PEX7: variants seen among roughly 807,000 people sequenced by gnomAD.
PEX7 encodes peroxisomal biogenesis factor 7, also known as PTS2 receptor.
In PEX7, 34 loss-of-function variants were observed where a neutral mutation model predicts 47.5. The observed-to-expected ratio is 0.72, with a 90% CI of 0.54 to 0.95. The LOEUF (loss-of-function observed/expected upper bound fraction) is 0.95. Among genes scored for constraint, PEX7 ranks in the 40% least tolerant of loss-of-function variants. The pLI, the probability that PEX7 is intolerant of heterozygous loss-of-function variation, is 0.00. For synonymous variants in PEX7, 141 were observed against 148.8 expected (o/e 0.95, Z 0.38); for missense variants, 394 against 400.3 (o/e 0.98, Z 0.13).
chr6:136,905,228 G>A (rs1775826590), intron 9 of PEX7, among the ~76,000 whole-genome samples: 1 of 152,032 alleles, frequency 6.6e-6, no homozygotes, highest in Non-Finnish European at 1.5e-5. Flanking sequence ...CATTCTTCCA[G>A]TGGGTTTCTA....
intron 9 of PEX7, among the ~76,000 whole-genome samples, chr6:136,898,720 C>CTAT (rs1380074561): frequency 2.0e-5 from 3 of 152,136 alleles, no homozygotes; most frequent in Non-Finnish European, 1.5e-5. Context: ...AGAATGTCTG[C>CTAT]TATTTAAGTT....
chr6:136,892,222 A>G (rs1775567990), intron 8 of PEX7, among the ~76,000 whole-genome samples: 1 of 152,200 alleles, frequency 6.6e-6, no homozygotes, highest in Non-Finnish European at 1.5e-5. Context: ...TGGCTGACTA[A>G]TGGACTCTTG....
At chr6:136,840,609 G>A (rs1050150674) in intron 3 of PEX7, among the ~76,000 whole-genome samples, 17 of 152,344 alleles carry the variant, frequency 1.1e-4, no homozygotes, top group African/African-American at 3.6e-4. Context: ...GTGGATAATG[G>A]ATTGGAGGTA....
At chr6:136,853,676 G>A (rs1311657608) in intron 5 of PEX7, among the ~76,000 whole-genome samples, 1 of 152,060 alleles carries the variant, frequency 6.6e-6, no homozygotes, top group Non-Finnish European at 1.5e-5. Context: ...ATTATATACA[G>A]ACAAGTATAT....
chr6:136,889,889 G>A (rs908170434), intron 8 of PEX7, among the ~76,000 whole-genome samples: 4 of 152,218 alleles, frequency 2.6e-5, no homozygotes, highest in Non-Finnish European at 5.9e-5. Flanking sequence ...AGAATTAGTT[G>A]ACTCTAATGT....
At chr6:136,853,901 T>C (rs1003769731) in intron 5 of PEX7, among the ~76,000 whole-genome samples, 3 of 152,208 alleles carry the variant, frequency 2.0e-5, no homozygotes, top group Non-Finnish European at 4.4e-5. Flanking sequence ...GGTTATAAAC[T>C]ATTATTTTTT....
At chr6:136,867,120 T>G (rs1278921989) in intron 6 of PEX7, among the ~76,000 whole-genome samples, 1 of 152,232 alleles carries the variant, frequency 6.6e-6, no homozygotes, top group Non-Finnish European at 1.5e-5. Flanking sequence ...AATTTGACAG[T>G]CCATCAGTTT....
intron 9 of PEX7, among the ~76,000 whole-genome samples, chr6:136,904,213 A>G (rs1234193741): frequency 6.6e-6 from 1 of 152,220 alleles, no homozygotes; most frequent in Non-Finnish European, 1.5e-5. Context: ...GTTAAAAAGA[A>G]CAAGTGCCAG....
intron 2 of PEX7, among the ~76,000 whole-genome samples, chr6:136,826,016 A>G (rs536556324): frequency 6.6e-6 from 1 of 152,134 alleles, no homozygotes; most frequent in Non-Finnish European, 1.5e-5. Flanking sequence ...CCTGTCTCTT[A>G]GTGTCCACTC....
Position 136,900,982 on chromosome 6 carries a change from C to G in PEX7, c.903+2741C>G. 5.0e-6 allele frequency: 1 copy of G among 200,882 alleles called. No individual in the cohort carries two copies. Among genetic ancestry groups the G allele is most frequent in the Non-Finnish European group, 1.0e-5 (1 of 96,172 alleles). The allele number at this position is 200,882 out of a possible 1,614,324, so 12.4% of individuals were successfully genotyped here. A position where few individuals can be genotyped will look rare whatever the true frequency, so the allele number is the denominator to read the frequency against. ...AGAGGATAACTCTTTGCTGCTGCAG[C>G]CTGACATAGTGGGGCCATTTCACAA... is the stretch of plus-strand genomic sequence containing the variant. On this transcript the variant is annotated intron_variant, in intron 9 of 9. Transcript: ENST00000318471. This position sits in a 1 kb window ranked among gnomAD's most constrained non-coding sequence, Gnocchi z 4.2.
chr6:136,860,018 A>G (rs1299632280), intron 5 of PEX7, among the ~76,000 whole-genome samples: 1 of 151,912 alleles, frequency 6.6e-6, no homozygotes, highest in Admixed American at 6.6e-5. Flanking sequence ...GTCTCAGAAA[A>G]AAAAAAAAAG....
rs138548367 is a variant in PEX7 at position 136,859,406 on chromosome 6, T to C, written c.527-7221T>C. 2.9e-3 allele frequency among the ~76,000 whole-genome samples: 447 copies of C among 152,218 alleles called. 7 individuals carry two copies. The highest frequency in any genetic ancestry group is 4.4e-3 in the Non-Finnish European group (298 of 68,028). ...AGGATTAATATGAAGTAAATTATCT[T>C]TGGAATCATGAAAACTAAATTATTG... On this transcript the variant is annotated intron_variant, in intron 5 of 9. Transcript: ENST00000318471.
rs539544580 is a variant in PEX7 at position 136,909,277 on chromosome 6, C to G, written c.904-4181C>G. On this transcript the variant is annotated intron_variant, in intron 9 of 9. Coordinates refer to ENST00000318471, the MANE Select transcript of PEX7 (RefSeq NM_000288.4). Reference sequence around the variant, plus strand: ...AGTTCTTAGGACACAAAGGCAAGCTCCCTGTGAAACTTCTCTAAATATTCC... The same window carrying G: ...AGTTCTTAGGACACAAAGGCAAGCTGCCTGTGAAACTTCTCTAAATATTCC... Among the ~76,000 whole-genome samples the G allele has an allele frequency of 5.9e-5, 9 of 152,296 alleles. No homozygotes were observed. The East Asian group carries it at 1.5e-3, about 26-fold the overall frequency.
At chr6:136,903,787 T>A (rs924204486) in intron 9 of PEX7, among the ~76,000 whole-genome samples, 1 of 151,252 alleles carries the variant, frequency 6.6e-6, no homozygotes, top group Admixed American at 6.6e-5. Flanking sequence ...AAGCCTCCAC[T>A]CCCACCCTAC....
intron 8 of PEX7, among the ~76,000 whole-genome samples, chr6:136,887,177 G>A (rs886249925): frequency 5.3e-5 from 8 of 151,966 alleles, no homozygotes; most frequent in Admixed American, 5.2e-4. Context: ...TTCATAAGGA[G>A]GCAGCATGAT....
At chr6:136,835,489 A>G (rs543906362) in intron 3 of PEX7, among the ~76,000 whole-genome samples, 8 of 148,498 alleles carry the variant, frequency 5.4e-5, no homozygotes, top group East Asian at 2.0e-4. Flanking sequence ...GGATTTCACC[A>G]TGTTGGCCAG....
At chr6:136,881,367 C>T (rs9483963) in intron 8 of PEX7, among the ~76,000 whole-genome samples, 2,999 of 152,222 alleles carry the variant, frequency 0.02, 106 homozygotes, top group African/African-American at 0.069. Context: ...TTTTGTCGCT[C>T]ATGGATTCAA....
chr6:136,822,823 G>C, intron 1 of PEX7, 28 bp downstream of exon 1: 2 of 1,220,152 alleles, frequency 1.6e-6, no homozygotes, highest in Non-Finnish European at 2.0e-6. Flanking sequence ...AGCTGGGGCC[G>C]GGGGGCGGAG....
chr6:136,892,575 C>CTCAT (rs558564250), intron 8 of PEX7, among the ~76,000 whole-genome samples: 69 of 152,202 alleles, frequency 4.5e-4, no homozygotes, highest in Admixed American at 1.7e-3. Context: ...TATTTATTTG[C>CTCAT]TCATTCATTC....
Sources: allele counts gnomAD v4.1 joint callset (sites outside exome capture counted in the v4.1 genomes callset), GRCh38; gene constraint gnomAD v4.1.1; non-coding constraint Gnocchi (gnomAD v3.1); transcripts MANE v1.5; gene names NCBI Gene and HGNC (gene_info 2026-07-23, HGNC 2026-07-21).